The following ARHGAP20 variants were observed in gnomAD, a reference collection of about 807,000 sequenced individuals.
ARHGAP20 encodes rho GTPase-activating protein 20.
Under a neutral mutation model 73.7 loss-of-function variants are expected in ARHGAP20, and 34 were observed. That is an observed-to-expected ratio of 0.46 (90% CI 0.35 to 0.61). ARHGAP20 has a LOEUF of 0.61. Ranked by LOEUF, ARHGAP20 falls within the 20% of genes least tolerant of loss-of-function variation. The pLI is 0.00. For synonymous variants in ARHGAP20, 523 were observed against 518.2 expected (o/e 1.01, Z -0.13); for missense variants, 1,314 against 1,420.9 (o/e 0.92, Z 1.21).
In ARHGAP20 at chr11:110,583,727, GGTCT is replaced by G; in HGVS notation, c.1422_1425del (p.Leu474PhefsTer11). On this transcript the variant is annotated frameshift_variant, in exon 13 of 15. Transcript: ENST00000683387. LOFTEE classifies it high-confidence loss of function. ...AGAACAACATTGGCTCTCGGAAGCT[GGTCT>G]AATAGCCTAAAGACAGAAAAATTAC... is the stretch of plus-strand genomic sequence containing the variant. 6.4e-7 allele frequency: 1 copy of G among 1,570,454 alleles called. No individual in the cohort carries two copies. Among genetic ancestry groups the G allele is most frequent in the Non-Finnish European group, 8.7e-7 (1 of 1,152,484 alleles).
At chr11:110,687,381 C>T (rs1184368089) in intron 2 of ARHGAP20, among the ~76,000 whole-genome samples, 1 of 152,050 alleles carries the variant, frequency 6.6e-6, no homozygotes, top group Admixed American at 6.6e-5. Flanking sequence ...TATTTTGAAA[C>T]AAAACTCATC....
chr11:110,638,975 A>G (rs1949025167), intron 2 of ARHGAP20, among the ~76,000 whole-genome samples: 1 of 152,110 alleles, frequency 6.6e-6, no homozygotes, highest in Non-Finnish European at 1.5e-5. Flanking sequence ...CGTTGTGCAC[A>G]TGTACCCTAA....
chr11:110,691,855 A>G (rs7102109), intron 1 of ARHGAP20, among the ~76,000 whole-genome samples: 20,611 of 152,154 alleles, frequency 0.14, 2,381 homozygotes, highest in African/African-American at 0.31. Flanking sequence ...CAGCTGGAAT[A>G]ATTATGTAAA....
intron 4 of ARHGAP20, among the ~76,000 whole-genome samples, chr11:110,623,836 G>T (rs1236768957): frequency 2.7e-5 from 4 of 150,454 alleles, no homozygotes; most frequent in Non-Finnish European, 5.9e-5. Context: ...CATATTCCTG[G>T]AAGTTCCTGT....
At chr11:110,666,367 T>C (rs1215719947) in intron 2 of ARHGAP20, among the ~76,000 whole-genome samples, 2 of 152,128 alleles carry the variant, frequency 1.3e-5, no homozygotes, top group Admixed American at 6.5e-5. Context: ...TCACAAAATA[T>C]ATGAAAGCTT....
chr11:110,691,331 C>T (rs1263938292), intron 1 of ARHGAP20, among the ~76,000 whole-genome samples: 1 of 152,062 alleles, frequency 6.6e-6, no homozygotes, highest in Non-Finnish European at 1.5e-5. Flanking sequence ...CATCTAGATA[C>T]AGCCACTAGA....
chr11:110,712,095 G>A, intron 1 of ARHGAP20, 32 bp downstream of exon 1: 7 of 1,274,852 alleles, frequency 5.5e-6, no homozygotes, highest in Non-Finnish European at 7.0e-6. Context: ...CTGCGGCGGC[G>A]GAGGGCACGG....
intron 4 of ARHGAP20, among the ~76,000 whole-genome samples, chr11:110,616,482 C>T (rs1024619707): frequency 2.0e-5 from 3 of 152,104 alleles, no homozygotes; most frequent in South Asian, 2.1e-4. Flanking sequence ...CAAGTGATCA[C>T]GCTGGCTCAG....
At chr11:110,712,693 A>T (rs888360192), upstream of ARHGAP20, 1 of 152,554 alleles carries the variant, frequency 6.6e-6, no homozygotes, top group Non-Finnish European at 1.5e-5. Context: ...GGCCTGTGTC[A>T]CGCACGGGGG....
Position 110,712,422 on chromosome 11 carries a change from G to T in ARHGAP20, c.-191C>A. The T allele has an allele frequency of 3.5e-6, 1 of 287,750 alleles. No homozygotes were observed. The highest frequency in any genetic ancestry group is 6.3e-6 in the Non-Finnish European group (1 of 159,964). The allele number at this position is 287,750 out of a possible 1,614,324, so 17.8% of individuals were successfully genotyped here. ...ACCTCCGCCTGCGCTCGACACCGCG[G>T]GCTGGAGGCGAGTGCAGCGGCGACA... On this transcript the variant is annotated 5_prime_UTR_variant, in exon 1 of 15. Transcript: ENST00000683387.
At chr11:110,688,762 CAGAACGGCTTCCTAATT>C (rs1950184026) in intron 2 of ARHGAP20, among the ~76,000 whole-genome samples, 1 of 152,106 alleles carries the variant, frequency 6.6e-6, no homozygotes, top group Non-Finnish European at 1.5e-5. Context: ...TTTTATTTGG[CAGAACGGCTTCCTAATT>C]AAATTTTGAT....
At position 110,578,297 on chromosome 11, in the gene ARHGAP20, T is replaced by C. The variant is rs931561060; in HGVS notation, c.*1073A>G. Reference sequence around the variant, plus strand: ...GGCAGCCACTTTGTTGGGTATTCTATTGTGGGACTCCTTATAACCGGCCAA... The same window carrying C: ...GGCAGCCACTTTGTTGGGTATTCTACTGTGGGACTCCTTATAACCGGCCAA... On this transcript the variant is annotated 3_prime_UTR_variant, in exon 15 of 15. Coordinates refer to ENST00000683387, the MANE Select transcript of ARHGAP20 (RefSeq NM_001384657.1). 5.1e-6 allele frequency: 5 copies of C among 985,450 alleles called. No individual in the cohort carries two copies. Among genetic ancestry groups the C allele is most frequent in the Non-Finnish European group, 6.0e-6 (5 of 829,936 alleles). 61.0% of individuals were successfully genotyped at this position (985,450 alleles called of 1,614,324 possible). A position where few individuals can be genotyped will look rare whatever the true frequency, so the allele number is the denominator to read the frequency against.
intron 2 of ARHGAP20, among the ~76,000 whole-genome samples, chr11:110,657,767 T>C (rs1949498102): frequency 6.6e-6 from 1 of 151,624 alleles, no homozygotes. Flanking sequence ...TGGTGGCACA[T>C]GCTTGTACTC....
At chr11:110,710,357 T>C (rs1950623598) in intron 1 of ARHGAP20, among the ~76,000 whole-genome samples, 1 of 152,098 alleles carries the variant, frequency 6.6e-6, no homozygotes, top group Non-Finnish European at 1.5e-5. Context: ...CCTTCATTTA[T>C]TGGACAAGTA....
At chr11:110,633,342 T>C (rs1021862758) in intron 2 of ARHGAP20, among the ~76,000 whole-genome samples, 1 of 152,170 alleles carries the variant, frequency 6.6e-6, no homozygotes, top group Non-Finnish European at 1.5e-5. Context: ...CTATAAAGCA[T>C]AGGTCTATTT....
intron 1 of ARHGAP20, among the ~76,000 whole-genome samples, chr11:110,699,611 G>A (rs1362103497): frequency 6.6e-6 from 1 of 151,956 alleles, no homozygotes; most frequent in East Asian, 1.9e-4. Flanking sequence ...ATTTAAGATA[G>A]TTATATCTTC....
intron 1 of ARHGAP20, among the ~76,000 whole-genome samples, chr11:110,700,746 C>T (rs1950431393): frequency 2.5e-5 from 3 of 118,966 alleles, no homozygotes; most frequent in South Asian, 3.5e-4. Flanking sequence ...CCCCTCCCCC[C>T]ACCCCACAAC....
intron 1 of ARHGAP20, among the ~76,000 whole-genome samples, chr11:110,705,894 A>C (rs77064635): frequency 1.3e-3 from 200 of 152,292 alleles, no homozygotes; most frequent in African/African-American, 4.3e-3. Context: ...ATCAGCATAG[A>C]GATTAGGCCT....
At chr11:110,698,167 A>G (rs1397020967) in intron 1 of ARHGAP20, among the ~76,000 whole-genome samples, 1 of 151,818 alleles carries the variant, frequency 6.6e-6, no homozygotes, top group African/African-American at 2.4e-5. Context: ...TTCTGCATCT[A>G]TTAAGATGAC....
Sources: allele counts gnomAD v4.1 joint callset (sites outside exome capture counted in the v4.1 genomes callset), GRCh38; gene constraint gnomAD v4.1.1; transcripts MANE v1.5; gene names NCBI Gene and HGNC (gene_info 2026-07-23, HGNC 2026-07-21).